Variants in DLC1 observed in about 807,000 individuals in gnomAD.
DLC1 encodes the protein DLC1 Rho GTPase activating protein, also known as rho GTPase-activating protein 7.
DLC1 carries 54 observed loss-of-function variants against 140.3 expected under a neutral mutation model. That is an observed-to-expected ratio of 0.38 (90% CI 0.31 to 0.48). The LOEUF is 0.48. Ranked by LOEUF, DLC1 falls within the 20% of genes least tolerant of loss-of-function variation. DLC1 has a pLI of 0.96. For missense variants in DLC1, 2,536 were observed against 1,907.0 expected (o/e 1.33, Z -6.14); for synonymous variants, 986 against 728.1 (o/e 1.35, Z -5.70).
chr8:13,310,848 A>G (rs1227835530), intron 4 of DLC1, among the ~76,000 whole-genome samples: 4 of 152,192 alleles, frequency 2.6e-5, no homozygotes, highest in Non-Finnish European at 2.9e-5. Flanking sequence ...TTCTTGATGG[A>G]GAGGGATTTA....
intron 5 of DLC1, among the ~76,000 whole-genome samples, chr8:13,228,576 A>C (rs966803082): frequency 2.0e-5 from 3 of 151,950 alleles, no homozygotes; most frequent in Non-Finnish European, 4.4e-5. Flanking sequence ...TCTCTACAAA[A>C]AAAATAAAAA....
At chr8:13,600,415 T>G (rs1309361153) in intron 1 of DLC1, among the ~76,000 whole-genome samples, 1 of 151,868 alleles carries the variant, frequency 6.6e-6, no homozygotes, top group Non-Finnish European at 1.5e-5. Flanking sequence ...AATGTATGGT[T>G]ATTCGTGTTA....
chr8:13,255,263 G>A (rs936767684), intron 5 of DLC1, among the ~76,000 whole-genome samples: 2 of 152,122 alleles, frequency 1.3e-5, no homozygotes, highest in African/African-American at 2.4e-5. Context: ...GAGCCACTGA[G>A]CCATGCCTAA....
At chr8:13,490,429 A>T (rs757105892) in intron 2 of DLC1, among the ~76,000 whole-genome samples, 2 of 152,142 alleles carry the variant, frequency 1.3e-5, no homozygotes, top group African/African-American at 2.4e-5. Context: ...TAGAATAGAG[A>T]TCTTGTTGGC....
intron 1 of DLC1, among the ~76,000 whole-genome samples, chr8:13,573,253 T>C (rs530146483): frequency 6.6e-6 from 1 of 152,334 alleles, no homozygotes; most frequent in East Asian, 1.9e-4. Flanking sequence ...TAAAAAATTC[T>C]TTTTGGATTG....
At chr8:13,108,519 A>G (rs1819784779) in intron 7 of DLC1, among the ~76,000 whole-genome samples, 1 of 152,224 alleles carries the variant, frequency 6.6e-6, no homozygotes, top group Non-Finnish European at 1.5e-5. Flanking sequence ...TGTAAATTGC[A>G]AAGTACAGAG....
At chr8:13,395,981 A>G (rs553822639) in intron 3 of DLC1, among the ~76,000 whole-genome samples, 9 of 152,228 alleles carry the variant, frequency 5.9e-5, no homozygotes, top group African/African-American at 2.2e-4. Flanking sequence ...ATGCATAATC[A>G]TAAGTAGCAG....
intron 5 of DLC1, among the ~76,000 whole-genome samples, chr8:13,302,697 G>A (rs1729144): frequency 1.4e-5 from 2 of 147,924 alleles, no homozygotes; most frequent in Admixed American, 1.3e-4. Flanking sequence ...AGGCTACATT[G>A]ATTTAGAAAG....
chr8:13,453,404 G>GTATGTATA (rs1799169334), intron 2 of DLC1, among the ~76,000 whole-genome samples: 2 of 22,978 alleles, frequency 8.7e-5, no homozygotes, highest in Admixed American at 5.6e-4. Flanking sequence ...ATATATATGT[G>GTATGTATA]TATATATATA....
intron 5 of DLC1, among the ~76,000 whole-genome samples, chr8:13,119,616 C>T (rs752405918): frequency 1.3e-4 from 20 of 152,094 alleles, no homozygotes; most frequent in Non-Finnish European, 2.4e-4. Context: ...GAGATAAACA[C>T]ATGAGGAAAC....
chr8:13,522,907 A>G (rs1157804013), intron 1 of DLC1, among the ~76,000 whole-genome samples: 2 of 152,138 alleles, frequency 1.3e-5, no homozygotes, highest in African/African-American at 4.8e-5. Flanking sequence ...GGTAGAATGA[A>G]CAGATAGTGC....
At chr8:13,457,488 C>G (rs779167967) in intron 2 of DLC1, among the ~76,000 whole-genome samples, 1 of 151,806 alleles carries the variant, frequency 6.6e-6, no homozygotes, top group Non-Finnish European at 1.5e-5. Context: ...ACCATCCTGG[C>G]CAACATGGTG....
chr8:13,159,106 AGT>A (rs1824492136), intron 5 of DLC1, among the ~76,000 whole-genome samples: 1 of 151,962 alleles, frequency 6.6e-6, no homozygotes, highest in Non-Finnish European at 1.5e-5. Flanking sequence ...CAAGGTGGAG[AGT>A]GTTTTGTTAT....
In DLC1 at chr8:13,100,131, T is replaced by C. The variant is rs1365771910; in HGVS notation, c.2206A>G (p.Asn736Asp). The C allele has an allele frequency of 4.8e-5, 78 of 1,614,138 alleles. No homozygotes were observed. The highest frequency in any genetic ancestry group is 6.6e-5 in the Non-Finnish European group (78 of 1,180,038). The change falls in exon 9 of 18, where the codon AAC (asparagine) becomes GAC (aspartate). Residue 736 changes from asparagine to aspartate, a missense_variant. By Grantham distance (23) the Asn-to-Asp change is conservative. Transcript: ENST00000276297. ...VPMVRKRSVS[N>D]STQTSSSSSQ... ...CTGCTGCTGCTGGTCTGCGTGGAGTTGGAAACGCTCCTCTTTCGTACCATG... is the reference window on the plus strand; with the variant it reads ...CTGCTGCTGCTGGTCTGCGTGGAGTCGGAAACGCTCCTCTTTCGTACCATG...
At chr8:13,445,651 G>C (rs1798743395) in intron 2 of DLC1, among the ~76,000 whole-genome samples, 1 of 152,180 alleles carries the variant, frequency 6.6e-6, no homozygotes, top group Non-Finnish European at 1.5e-5. Context: ...AGTGACTATA[G>C]ACTTAACTGA....
rs150982296 is a variant in DLC1, at chr8:13,144,593, G to A, written c.1349-28936C>T. ...ATCCTGGCTAACACAGTGAAATCCC[G>A]CTTCTACTAAAAATACAAAAAATTA... is the stretch of plus-strand genomic sequence containing the variant. On this transcript the variant is annotated intron_variant, in intron 5 of 17. Coordinates refer to ENST00000276297, the MANE Select transcript of DLC1 (RefSeq NM_182643.3). Among the ~76,000 whole-genome samples, 147 of 152,070 alleles carry A rather than the reference G, an allele frequency of 9.7e-4. 1 individual carries two copies. Among genetic ancestry groups the A allele is most frequent in the Non-Finnish European group, 1.7e-3 (117 of 67,982 alleles).
chr8:13,443,589 C>T (rs1053044396), intron 2 of DLC1, among the ~76,000 whole-genome samples: 1 of 142,834 alleles, frequency 7.0e-6, no homozygotes, highest in East Asian at 2.1e-4. Flanking sequence ...AACCCAGAGG[C>T]GGAGCTTGCA....
At chr8:13,534,747 T>C (rs1803214164) in intron 1 of DLC1, among the ~76,000 whole-genome samples, 1 of 152,180 alleles carries the variant, frequency 6.6e-6, no homozygotes, top group Non-Finnish European at 1.5e-5. Flanking sequence ...AGTAGCTGAA[T>C]CCACAGGACT....
intron 2 of DLC1, among the ~76,000 whole-genome samples, chr8:13,410,620 G>A (rs1837741443): frequency 6.7e-6 from 1 of 149,970 alleles, no homozygotes; most frequent in South Asian, 2.1e-4. Context: ...ATACCTAGAA[G>A]TAACTAAAAA....
Sources: allele counts gnomAD v4.1 joint callset (sites outside exome capture counted in the v4.1 genomes callset), GRCh38; gene constraint gnomAD v4.1.1; transcripts MANE v1.5; gene names NCBI Gene and HGNC (gene_info 2026-07-23, HGNC 2026-07-21).